Variants in PRDM16 observed in about 807,000 individuals in gnomAD.
The protein encoded by PRDM16 is histone-lysine N-methyltransferase PRDM16.
In PRDM16, 23 loss-of-function variants were observed where a neutral mutation model predicts 110.6. The observed-to-expected ratio is 0.21, with a 90% CI of 0.15 to 0.29. The LOEUF is 0.29. Ranked by LOEUF, PRDM16 falls within the 10% of genes least tolerant of loss-of-function variation. The pLI is 1.00. For synonymous variants in PRDM16, 799 were observed against 781.8 expected (o/e 1.02, Z -0.37); for missense variants, 1,615 against 1,794.3 (o/e 0.90, Z 1.81).
At chr1:3,117,984 G>A (rs1182577115) in intron 1 of PRDM16, among the ~76,000 whole-genome samples, 2 of 151,902 alleles carry the variant, frequency 1.3e-5, no homozygotes, top group Non-Finnish European at 2.9e-5. Context: ...CTGTGTGTGT[G>A]TACATGCACG....
chr1:3,324,645 T>G (rs1420952430), intron 3 of PRDM16, among the ~76,000 whole-genome samples: 3 of 150,386 alleles, frequency 2.0e-5, no homozygotes, highest in South Asian at 2.1e-4. Flanking sequence ...ACCCAAGCAC[T>G]GAGGCCCTGG....
chr1:3,384,683 G>C (rs929201409), intron 3 of PRDM16, among the ~76,000 whole-genome samples: 2 of 152,238 alleles, frequency 1.3e-5, no homozygotes, highest in Non-Finnish European at 2.9e-5. Flanking sequence ...TCAGAGTGAT[G>C]TGCAGGCTGC....
At chr1:3,137,986 A>T (rs1643474493) in intron 1 of PRDM16, among the ~76,000 whole-genome samples, 1 of 152,116 alleles carries the variant, frequency 6.6e-6, no homozygotes, top group Non-Finnish European at 1.5e-5. Flanking sequence ...CCCTGGGCCA[A>T]GGGGCTCGGA....
intron 3 of PRDM16, among the ~76,000 whole-genome samples, chr1:3,327,583 C>T (rs370384864): frequency 3.3e-5 from 5 of 152,240 alleles, no homozygotes; most frequent in Admixed American, 1.3e-4. Flanking sequence ...GCGTATCAGC[C>T]GCTGCACATG....
intron 2 of PRDM16, among the ~76,000 whole-genome samples, chr1:3,226,777 G>A (rs549436761): frequency 1.1e-4 from 17 of 152,254 alleles, no homozygotes; most frequent in Non-Finnish European, 1.5e-4. Context: ...GCACGCCTTC[G>A]CAGGACTGGG....
intron 1 of PRDM16, among the ~76,000 whole-genome samples, chr1:3,179,152 T>C (rs1444782615): frequency 6.6e-6 from 1 of 152,198 alleles, no homozygotes; most frequent in Non-Finnish European, 1.5e-5. Flanking sequence ...ACCACACATA[T>C]TCTCTCTGCT....
In PRDM16 at chr1:3,382,892, C is replaced by T. The variant is rs1353604141; in HGVS notation, c.439-2260C>T. Among the ~76,000 whole-genome samples the T allele has an allele frequency of 3.3e-5, 5 of 152,306 alleles. No individual in the cohort carries two copies. The highest frequency in any genetic ancestry group is 4.1e-4 in the South Asian group (2 of 4,824). On this transcript the variant is annotated intron_variant, in intron 3 of 16. Coordinates refer to ENST00000270722, the MANE Select transcript of PRDM16 (RefSeq NM_022114.4). The surrounding 1 kb of genome is among the most constrained non-coding windows in gnomAD (Gnocchi z 6.6). ...GAGAAGTGGACCCATGGGCTGGGGA[C>T]GGGACTGGGATACTGCCAGCCCCAT...
chr1:3,421,341 G>A (rs1466880143), intron 12 of PRDM16, among the ~76,000 whole-genome samples: 1 of 152,186 alleles, frequency 6.6e-6, no homozygotes, highest in Non-Finnish European at 1.5e-5. Context: ...AGCAGGCACG[G>A]TCACAGCAAG....
At chr1:3,238,100 G>A (rs1639579286) in intron 2 of PRDM16, 1 of 152,284 alleles carries the variant, frequency 6.6e-6, no homozygotes, top group Non-Finnish European at 1.5e-5. Flanking sequence ...TGGAAGGTAG[G>A]GCTTAGGGGC....
chr1:3,255,435 C>G lies in PRDM16; in HGVS notation c.438+11298C>G, dbSNP rs1187304715. Among the ~76,000 whole-genome samples the G allele has an allele frequency of 6.6e-6, 1 of 152,104 alleles. No homozygotes were observed. The highest frequency in any genetic ancestry group is 1.5e-5 in the Non-Finnish European group (1 of 68,040). On this transcript the variant is annotated intron_variant, in intron 3 of 16. Coordinates refer to ENST00000270722, the MANE Select transcript of PRDM16 (RefSeq NM_022114.4). This position sits in a 1 kb window ranked among gnomAD's most constrained non-coding sequence, Gnocchi z 4.7. ...GGCTGCCCCCGACACTTCAGGAGCC[C>G]AGCCCATGATGGCACTGAGCTGTCA...
chr1:3,269,106 T>C (rs116497195), intron 3 of PRDM16, among the ~76,000 whole-genome samples: 4,423 of 152,294 alleles, frequency 0.029, 209 homozygotes, highest in African/African-American at 0.097. Flanking sequence ...GGCTTTGGGA[T>C]GGGCTTTAGA....
intron 10 of PRDM16, among the ~76,000 whole-genome samples, chr1:3,416,387 T>C (rs1889123): frequency 0.99 from 151,452 of 152,310 alleles, 75,304 homozygotes; most frequent in East Asian, 1. Flanking sequence ...CAGCCAGGGC[T>C]AGGGTCTTGC....
rs370465051 is a variant in PRDM16, at chr1:3,118,623, G to C, written c.37+49327G>C. 1.6e-4 allele frequency among the ~76,000 whole-genome samples: 24 copies of C among 152,338 alleles called. No individual in the cohort carries two copies. The East Asian group carries it at 4.4e-3, about 28-fold the overall frequency. The stretch of plus-strand genomic sequence containing the variant: ...CGGGAAAGAACCAGGGAGTCTGTGT[G>C]GCTTTCACCACATGCTCAGGTGCTC... On this transcript the variant is annotated intron_variant, in intron 1 of 16. Transcript: ENST00000270722.
intron 3 of PRDM16, among the ~76,000 whole-genome samples, chr1:3,321,601 T>A (rs537016436): frequency 7.0e-6 from 1 of 142,842 alleles, no homozygotes; most frequent in African/African-American, 2.6e-5. Context: ...TTCTGGGGGG[T>A]TGCACATGTA....
intron 2 of PRDM16, among the ~76,000 whole-genome samples, chr1:3,225,577 C>T (rs890566816): frequency 2.1e-5 from 3 of 144,308 alleles, no homozygotes; most frequent in Admixed American, 6.8e-5. Flanking sequence ...TGTGTGTGCG[C>T]GCGCGCAGAA....
chr1:3,132,495 GGGC>G (rs1643354892), intron 1 of PRDM16, among the ~76,000 whole-genome samples: 1 of 152,162 alleles, frequency 6.6e-6, no homozygotes, highest in Non-Finnish European at 1.5e-5. Context: ...GTCTCACCAT[GGGC>G]AGTTCCTCAC....
intron 10 of PRDM16, among the ~76,000 whole-genome samples, chr1:3,415,002 C>G (rs528689833): frequency 2.0e-5 from 3 of 152,212 alleles, no homozygotes; most frequent in Non-Finnish European, 4.4e-5. Flanking sequence ...CAGCCCAGGA[C>G]ACAGCGTGGG....
At chr1:3,330,782 C>T (rs547968866) in intron 3 of PRDM16, among the ~76,000 whole-genome samples, 46 of 152,330 alleles carry the variant, frequency 3.0e-4, no homozygotes, top group South Asian at 2.1e-3. Context: ...GCGAGTCAGA[C>T]CCCAGAAACC....
At chr1:3,336,649 AGTGT>A (rs1409795775) in intron 3 of PRDM16, among the ~76,000 whole-genome samples, 18 of 128,730 alleles carry the variant, frequency 1.4e-4, no homozygotes, top group South Asian at 7.8e-4. Context: ...TGTTGGAGTG[AGTGT>A]GTGTATGTGT....
Sources: gnomAD v4.1 joint callset for allele counts (sites outside exome capture counted in the v4.1 genomes callset) on GRCh38, gnomAD v4.1.1 for gene constraint, Gnocchi (gnomAD v3.1) non-coding constraint, MANE v1.5 for transcripts, NCBI Gene and HGNC (gene_info 2026-07-23, HGNC 2026-07-21) for gene names.